The following DENND6A variants were observed in gnomAD, a reference collection of about 807,000 sequenced individuals.
DENND6A encodes the protein DENN domain containing 6A.
Under a neutral mutation model 95.5 loss-of-function variants are expected in DENND6A, and 43 were observed. That is an observed-to-expected ratio of 0.45 (90% CI 0.35 to 0.58). DENND6A has a LOEUF of 0.58. DENND6A is among the 20% of genes least tolerant of loss of function. The pLI, the probability that DENND6A is intolerant of heterozygous loss-of-function variation, is 0.00. For synonymous variants in DENND6A, 257 were observed against 260.4 expected (o/e 0.99, Z 0.13); for missense variants, 574 against 736.0 (o/e 0.78, Z 2.55).
chr3:57,665,697 G>T (rs2071515361), intron 4 of DENND6A, among the ~76,000 whole-genome samples: 1 of 151,942 alleles, frequency 6.6e-6, no homozygotes, highest in Non-Finnish European at 1.5e-5. Flanking sequence ...AGGCTGTAAG[G>T]TCATCTGAAT....
chr3:57,649,771 C>T (rs971476809), intron 9 of DENND6A, among the ~76,000 whole-genome samples: 1 of 151,748 alleles, frequency 6.6e-6, no homozygotes, highest in Non-Finnish European at 1.5e-5. Flanking sequence ...CCTTACCCTG[C>T]TCACTCTCTG....
rs761584438 is a variant in DENND6A, at chr3:57,630,391, A to C, written c.1620+30T>G. ...ATTATCTTTATTTTCAACAGTTGTT[A>C]ATCATTACACAAACACACAGTTTTC... On this transcript the variant is annotated intron_variant, in intron 18 of 19. Coordinates refer to ENST00000311128, the MANE Select transcript of DENND6A (RefSeq NM_152678.3). 91 of 1,528,278 alleles carry C rather than the reference A, an allele frequency of 6.0e-5. No homozygotes were observed. The Middle Eastern group carries it at 6.9e-4, about 12-fold the overall frequency. The allele number at this position is 1,528,278 out of a possible 1,614,324, so 94.7% of individuals were successfully genotyped here. A position where few individuals can be genotyped will look rare whatever the true frequency, so the allele number is the denominator to read the frequency against.
chr3:57,633,197 G>T, intron 15 of DENND6A, 68 bp downstream of exon 15: 3 of 1,310,548 alleles, frequency 2.3e-6, no homozygotes, highest in Non-Finnish European at 3.3e-6. Flanking sequence ...GTTTTGGAGG[G>T]CGGGAAAAAC....
At chr3:57,670,117 G>A (rs2071592563) in intron 3 of DENND6A, among the ~76,000 whole-genome samples, 1 of 151,542 alleles carries the variant, frequency 6.6e-6, no homozygotes, top group Non-Finnish European at 1.5e-5. Context: ...CACATGCAGA[G>A]GCTATAAAAC....
At chr3:57,665,580 A>C (rs1481277621) in intron 4 of DENND6A, among the ~76,000 whole-genome samples, 1 of 152,158 alleles carries the variant, frequency 6.6e-6, no homozygotes, top group Non-Finnish European at 1.5e-5. Context: ...GGAACCAGGG[A>C]GGTAAACTGT....
rs532246755 is a variant in DENND6A at position 57,626,188 on chromosome 3, G to A, written c.*2026C>T. The A allele has an allele frequency of 6.5e-6, 1 of 152,720 alleles. No homozygotes were observed. Among genetic ancestry groups the A allele is most frequent in the South Asian group, 2.1e-4 (1 of 4,830 alleles). 9.5% of individuals were successfully genotyped at this position (152,720 alleles called of 1,614,324 possible). ...TCTATGACTTTGAGGTATGCTTCAA[G>A]AGACTGTATCCATAAGAACAGGGCA... On this transcript the variant is annotated 3_prime_UTR_variant, in exon 20 of 20. Coordinates refer to ENST00000311128, the MANE Select transcript of DENND6A (RefSeq NM_152678.3).
At chr3:57,629,507 C>CT (rs1165802821) in intron 18 of DENND6A, among the ~76,000 whole-genome samples, 1,099 of 98,218 alleles carry the variant, frequency 0.011, 23 homozygotes, top group African/African-American at 0.015. Flanking sequence ...AATCAGTCCG[C>CT]TTTTTTTTTT....
chr3:57,650,445 C>CACACAT (rs767238878), intron 9 of DENND6A, among the ~76,000 whole-genome samples: 1 of 149,372 alleles, frequency 6.7e-6, no homozygotes, highest in Non-Finnish European at 1.5e-5. Flanking sequence ...CACACACACA[C>CACACAT]ATACATACAC....
chr3:57,652,949 T>C (rs934654979), intron 9 of DENND6A, among the ~76,000 whole-genome samples: 4 of 152,232 alleles, frequency 2.6e-5, no homozygotes, highest in Admixed American at 6.5e-5. Flanking sequence ...CTAGACATTA[T>C]TGTAACAACT....
At chr3:57,647,917 C>T (rs1364239823) in intron 9 of DENND6A, among the ~76,000 whole-genome samples, 1 of 151,942 alleles carries the variant, frequency 6.6e-6, no homozygotes, top group East Asian at 1.9e-4. Context: ...GGAGGGTATC[C>T]ATGCAGAAGG....
intron 3 of DENND6A, among the ~76,000 whole-genome samples, chr3:57,667,408 C>G (rs563396862): frequency 6.6e-6 from 1 of 152,330 alleles, no homozygotes; most frequent in South Asian, 2.1e-4. Flanking sequence ...CCTCCCACGT[C>G]AGCCTCCCAA....
At chr3:57,631,437 A>G (rs971617967) in intron 15 of DENND6A, among the ~76,000 whole-genome samples, 2 of 151,848 alleles carry the variant, frequency 1.3e-5, no homozygotes, top group African/African-American at 4.8e-5. Context: ...CTCATGATCC[A>G]CCTGCCTCAG....
chr3:57,672,117 G>A (rs2071627923), intron 3 of DENND6A, 139 bp downstream of exon 3: 1 of 788,126 alleles, frequency 1.3e-6, no homozygotes, highest in Admixed American at 3.2e-5. Context: ...GACATGACTA[G>A]GCATCATTAA....
chr3:57,692,060 G>A (rs955925954), intron 1 of DENND6A, among the ~76,000 whole-genome samples: 4 of 151,678 alleles, frequency 2.6e-5, no homozygotes, highest in African/African-American at 9.7e-5. Context: ...GAGAAACCCC[G>A]TCTCTATTAA....
At chr3:57,657,488 A>G (rs1377332034) in intron 9 of DENND6A, among the ~76,000 whole-genome samples, 192 bp downstream of exon 9, 2 of 152,182 alleles carry the variant, frequency 1.3e-5, no homozygotes, top group African/African-American at 2.4e-5. Flanking sequence ...TACATATTCT[A>G]TATTTAAATT....
In DENND6A at chr3:57,676,060, G is replaced by A. The variant is rs1575860831; in HGVS notation, c.238-3622C>T. ...TCCACTCCAGCCTGGATGACAGGGT[G>A]AGACCCTCTCTCTCTCAAAAAAAAA... On this transcript the variant is annotated intron_variant, in intron 1 of 19. Coordinates refer to ENST00000311128, the MANE Select transcript of DENND6A (RefSeq NM_152678.3). Among the ~76,000 whole-genome samples, 3 of 151,878 alleles carry A rather than the reference G, an allele frequency of 2.0e-5. No homozygotes were observed. In the South Asian group the frequency reaches 6.2e-4, roughly 32 times the overall value.
At chr3:57,666,270 G>T (rs1349432824) in intron 3 of DENND6A, 35 bp from the exon 4 acceptor site, 1 of 1,498,236 alleles carries the variant, frequency 6.7e-7, no homozygotes. Flanking sequence ...ATTAAGGATA[G>T]CTTAGTATAA....
At chr3:57,643,577 C>T (rs2070997486) in intron 11 of DENND6A, among the ~76,000 whole-genome samples, 1 of 152,108 alleles carries the variant, frequency 6.6e-6, no homozygotes, top group African/African-American at 2.4e-5. Context: ...TCTGTAATCC[C>T]AGCACTTTGG....
Position 57,692,965 on chromosome 3 carries a change from G to T in DENND6A, c.54C>A (p.Asp18Glu), listed in dbSNP as rs1432915141. ...GGCCCTCGGCCCCTGCCACCGCTTCGTCCAACGGCCTTCGAGAGCCGGGCC... is the reference window on the plus strand; with the variant it reads ...GGCCCTCGGCCCCTGCCACCGCTTCTTCCAACGGCCTTCGAGAGCCGGGCC... Reference protein sequence around the residue: ...GLGPGSRRPLDEAVAGAEGRE... With the variant: ...GLGPGSRRPLEEAVAGAEGRE... Residue 18 changes from aspartate (D) to glutamate (E), a missense_variant, in exon 1 of 20, where the codon GAC becomes GAA. By Grantham distance (45) the Asp-to-Glu change is conservative (BLOSUM62 2). Coordinates refer to ENST00000311128, the MANE Select transcript of DENND6A (RefSeq NM_152678.3). 3 of 1,538,478 alleles carry T rather than the reference G, an allele frequency of 1.9e-6. No individual in the cohort carries two copies. In the Admixed American group the frequency reaches 5.9e-5, roughly 30 times the overall value.
Sources: allele counts gnomAD v4.1 joint callset (sites outside exome capture counted in the v4.1 genomes callset), GRCh38; gene constraint gnomAD v4.1.1; transcripts MANE v1.5; gene names NCBI Gene and HGNC (gene_info 2026-07-23, HGNC 2026-07-21).